ADAMTS2: variants seen among roughly 807,000 people sequenced by gnomAD.
ADAMTS2 encodes the protein ADAM metallopeptidase with thrombospondin type 1 motif 2.
In ADAMTS2, 50 loss-of-function variants were observed where a neutral mutation model predicts 123.0. That is an observed-to-expected ratio of 0.41 (90% CI 0.32 to 0.51). ADAMTS2 has a LOEUF of 0.51. ADAMTS2 is among the 20% of genes least tolerant of loss of function. The probability of loss-of-function intolerance (pLI) is 0.35; values close to 1 mark genes in which losing one functional copy is unlikely to be tolerated. For missense variants in ADAMTS2, 1,494 were observed against 1,705.2 expected, an observed-to-expected ratio of 0.88 and a Z score of 2.18; for synonymous variants, 678 against 695.4, an observed-to-expected ratio of 0.98 and a Z score of 0.39.
Position 179,207,503 on chromosome 5 carries a change from C to T in ADAMTS2, c.891+10G>A. ...CCGCCCCACCCTGCCCCCTCAGCCA[C>T]CCCACTCACAATGTTCATGAGTGTC... On this transcript the variant is annotated intron_variant, in intron 4 of 21. Coordinates refer to ENST00000251582, the MANE Select transcript of ADAMTS2 (RefSeq NM_014244.5). The T allele has an allele frequency of 6.3e-7, 1 of 1,599,750 alleles. No individual in the cohort carries two copies. Among genetic ancestry groups the T allele is most frequent in the Non-Finnish European group, 8.6e-7 (1 of 1,169,156 alleles).
At chr5:179,342,786 G>T (rs945110478) in intron 2 of ADAMTS2, among the ~76,000 whole-genome samples, 1 of 152,174 alleles carries the variant, frequency 6.6e-6, no homozygotes, top group Admixed American at 6.5e-5. Flanking sequence ...GCCAGGCCCC[G>T]GGCAGCCGGA....
At chr5:179,270,554 C>T (rs1445558069) in intron 3 of ADAMTS2, among the ~76,000 whole-genome samples, 1 of 152,218 alleles carries the variant, frequency 6.6e-6, no homozygotes, top group Non-Finnish European at 1.5e-5. Context: ...CACCCAGGTC[C>T]TGGAGTTGTG....
chr5:179,207,690 G>A lies in ADAMTS2; in HGVS notation c.714C>T (p.Ser238=), dbSNP rs2113374639. ...DTGASLDSLD[S]LSRALGVLEE... ...CTAGGACGCCCAGGGCGCGGCTGAGGCTGTCCAGGCTGTCCAGGGAGGCCC... is the reference window on the plus strand; with the variant it reads ...CTAGGACGCCCAGGGCGCGGCTGAGACTGTCCAGGCTGTCCAGGGAGGCCC... The change falls in exon 4 of 22, where the codon AGC becomes AGT. Residue 238 remains serine (S), a synonymous_variant. Coordinates refer to ENST00000251582, the MANE Select transcript of ADAMTS2 (RefSeq NM_014244.5). 1 of 1,611,572 alleles carries A rather than the reference G, an allele frequency of 6.2e-7. No individual in the cohort carries two copies. Among genetic ancestry groups the A allele is most frequent in the Middle Eastern group, 1.7e-4 (1 of 6,052 alleles).
Position 179,317,343 on chromosome 5 carries a change from C to T in ADAMTS2, c.534+26424G>A, listed in dbSNP as rs1025486879. 3.9e-5 allele frequency among the ~76,000 whole-genome samples: 6 copies of T among 152,208 alleles called. No homozygotes were observed. Among genetic ancestry groups the T allele is most frequent in the African/African-American group, 1.4e-4 (6 of 41,446 alleles). ...GCTGATATGGTAACACAATATCACACATCTCATCCAAGCCTGCTCGGACGC... is the reference window on the plus strand; with the variant it reads ...GCTGATATGGTAACACAATATCACATATCTCATCCAAGCCTGCTCGGACGC... On this transcript the variant is annotated intron_variant, in intron 2 of 21. Transcript: ENST00000251582. This position sits in a 1 kb window ranked among gnomAD's most constrained non-coding sequence, Gnocchi z 4.9.
chr5:179,113,849 T>C lies in ADAMTS2; in HGVS notation c.*18A>G. Reference sequence around the variant, plus strand: ...ATAAGCAAGAAAAAAATGCTAGGGATGCTATCTTTCCATTTTATTAGAACT... The same window carrying C: ...ATAAGCAAGAAAAAAATGCTAGGGACGCTATCTTTCCATTTTATTAGAACT... On this transcript the variant is annotated 3_prime_UTR_variant, in exon 22 of 22. Coordinates refer to ENST00000251582, the MANE Select transcript of ADAMTS2 (RefSeq NM_014244.5). 6.2e-7 allele frequency: 1 copy of C among 1,610,126 alleles called. No individual in the cohort carries two copies.
intron 2 of ADAMTS2, among the ~76,000 whole-genome samples, chr5:179,343,456 G>C (rs970598206): frequency 1.3e-5 from 2 of 152,164 alleles, no homozygotes; most frequent in Admixed American, 6.5e-5. Flanking sequence ...ACACATACAC[G>C]GACCCACCCC....
rs900147303 is a variant in ADAMTS2, at chr5:179,242,810, G to C, written c.688+30101C>G. Among the ~76,000 whole-genome samples the C allele has an allele frequency of 6.6e-6, 1 of 152,084 alleles. No individual in the cohort carries two copies. Among genetic ancestry groups the C allele is most frequent in the Non-Finnish European group, 1.5e-5 (1 of 68,026 alleles). Reference sequence around the variant, plus strand: ...TCACCAGGATAGATGGGCCACCAGCGTTTCTCATCATCTCCAACTCCCAGT... The same window carrying C: ...TCACCAGGATAGATGGGCCACCAGCCTTTCTCATCATCTCCAACTCCCAGT... On this transcript the variant is annotated intron_variant, in intron 3 of 21. Transcript: ENST00000251582. The surrounding 1 kb of genome is among the most constrained non-coding windows in gnomAD (Gnocchi z 4.2).
At position 179,180,944 on chromosome 5, in the gene ADAMTS2, A is replaced by C. The variant is rs942878787; in HGVS notation, c.975+128T>G. On this transcript the variant is annotated intron_variant, in intron 5 of 21. Transcript: ENST00000251582. The surrounding 1 kb of genome is among the most constrained non-coding windows in gnomAD (Gnocchi z 4.6). Reference sequence around the variant, plus strand: ...GGATCTTGTTTCTTATAGGAACCTCAGGGGAGCCAGGGAGAGGCAGGGTGG... The same window carrying C: ...GGATCTTGTTTCTTATAGGAACCTCCGGGGAGCCAGGGAGAGGCAGGGTGG... 4.2e-5 allele frequency: 30 copies of C among 718,718 alleles called. No individual in the cohort carries two copies. In the Admixed American group the frequency reaches 5.6e-4, roughly 14 times the overall value. 44.5% of individuals were successfully genotyped at this position (718,718 alleles called of 1,614,324 possible). A position where few individuals can be genotyped will look rare whatever the true frequency, so the allele number is the denominator to read the frequency against.
At chr5:179,137,174 C>T (rs148540796) in intron 12 of ADAMTS2, among the ~76,000 whole-genome samples, 263 of 152,298 alleles carry the variant, frequency 1.7e-3, no homozygotes, top group African/African-American at 6.1e-3. Context: ...CACTGGCCCA[C>T]ATGAGGCAGC....
Position 179,181,683 on chromosome 5 carries a change from T to TGTTAATAAAAA in ADAMTS2, c.892-529_892-528insTTTTTATTAAC, listed in dbSNP as rs1764052016. Among the ~76,000 whole-genome samples the TGTTAATAAAAA allele has an allele frequency of 6.6e-6, 1 of 152,214 alleles. No homozygotes were observed. The highest frequency in any genetic ancestry group is 1.5e-5 in the Non-Finnish European group (1 of 68,046). On this transcript the variant is annotated intron_variant, in intron 4 of 21. Coordinates refer to ENST00000251582, the MANE Select transcript of ADAMTS2 (RefSeq NM_014244.5). The surrounding 1 kb of genome is among the most constrained non-coding windows in gnomAD (Gnocchi z 4.1). ...CGTGTTAATAAAAAGCTCATATTAC[T>TGTTAATAAAAA]GCATCCCCAATGTGCTCTCCCTGTT...
intron 2 of ADAMTS2, among the ~76,000 whole-genome samples, chr5:179,279,105 C>G (rs1251647001): frequency 1.3e-5 from 2 of 152,012 alleles, no homozygotes; most frequent in African/African-American, 4.8e-5. Context: ...GCCACAGCTG[C>G]AGCCATCAGC....
chr5:179,333,719 C>T (rs962960890), intron 2 of ADAMTS2, among the ~76,000 whole-genome samples: 2 of 151,370 alleles, frequency 1.3e-5, no homozygotes, highest in African/African-American at 4.9e-5. Flanking sequence ...CCTGCCTCAG[C>T]CTCCCAAGTA....
chr5:179,164,561 G>A (rs1249835919), intron 5 of ADAMTS2, among the ~76,000 whole-genome samples: 3 of 152,190 alleles, frequency 2.0e-5, no homozygotes, highest in African/African-American at 4.8e-5. Context: ...GGAAGGGGAC[G>A]GCAAGTGCCA....
At position 179,314,825 on chromosome 5, in the gene ADAMTS2, T is replaced by C. The variant is rs1190673538; in HGVS notation, c.534+28942A>G. On this transcript the variant is annotated intron_variant, in intron 2 of 21. Coordinates refer to ENST00000251582, the MANE Select transcript of ADAMTS2 (RefSeq NM_014244.5). The surrounding 1 kb of genome is among the most constrained non-coding windows in gnomAD (Gnocchi z 4.5). ...GACAGGAGTCTTGGGCACACACTTT[T>C]TTGTGCCAGGCCCAACCAAGAGCTG... 6.6e-6 allele frequency among the ~76,000 whole-genome samples: 1 copy of C among 152,074 alleles called. No individual in the cohort carries two copies. The highest frequency in any genetic ancestry group is 1.5e-5 in the Non-Finnish European group (1 of 67,992).
chr5:179,243,729 G>T (rs1459095263), intron 3 of ADAMTS2, among the ~76,000 whole-genome samples: 2 of 152,176 alleles, frequency 1.3e-5, no homozygotes, highest in East Asian at 3.9e-4. Context: ...GTCAGATTTT[G>T]CAGCAAAGAT....
intron 5 of ADAMTS2, among the ~76,000 whole-genome samples, chr5:179,172,170 G>A (rs944777574): frequency 2.6e-5 from 4 of 152,182 alleles, no homozygotes; most frequent in African/African-American, 9.7e-5. Context: ...TACCTGGGTC[G>A]CAGAAGTTGC....
Position 179,111,362 on chromosome 5 carries a change from G to A in ADAMTS2, c.*2505C>T, listed in dbSNP as rs1266208847. The A allele has an allele frequency of 6.6e-6, 1 of 152,264 alleles. No homozygotes were observed. Among genetic ancestry groups the A allele is most frequent in the East Asian group, 1.9e-4 (1 of 5,190 alleles). 9.4% of individuals were successfully genotyped at this position (152,264 alleles called of 1,614,324 possible). A position where few individuals can be genotyped will look rare whatever the true frequency, so the allele number is the denominator to read the frequency against. On this transcript the variant is annotated 3_prime_UTR_variant, in exon 22 of 22. Transcript: ENST00000251582. ...GAAGAAGCTGGCTTGCGAAGATCAG[G>A]ACTGTTACTAAGCCGGTTCTCCAAG...
chr5:179,219,587 C>T (rs1192871156), intron 3 of ADAMTS2, among the ~76,000 whole-genome samples: 1 of 152,212 alleles, frequency 6.6e-6, no homozygotes, highest in Non-Finnish European at 1.5e-5. Context: ...GGTCCGGCTC[C>T]CAGATACGTG....
intron 4 of ADAMTS2, among the ~76,000 whole-genome samples, chr5:179,199,762 C>T (rs1172034592): frequency 6.6e-6 from 1 of 152,172 alleles, no homozygotes; most frequent in Admixed American, 6.5e-5. Context: ...TCTGGTCAGC[C>T]TGAGGCACCC....
Sources: allele counts gnomAD v4.1 joint callset (sites outside exome capture counted in the v4.1 genomes callset), GRCh38; gene constraint gnomAD v4.1.1; non-coding constraint Gnocchi (gnomAD v3.1); transcripts MANE v1.5; gene names NCBI Gene and HGNC (gene_info 2026-07-23, HGNC 2026-07-21).